The following ZNF641 variants were observed in gnomAD, a reference collection of about 807,000 sequenced individuals.
ZNF641 encodes zinc finger protein 641.
Under a neutral mutation model 46.2 loss-of-function variants are expected in ZNF641, and 26 were observed. The ratio of observed to expected loss-of-function variants is 0.56; its 90% CI spans 0.41 to 0.78. ZNF641 has a LOEUF of 0.78. ZNF641 is among the 30% of genes least tolerant of loss of function. The pLI is 0.00. For synonymous variants in ZNF641, 163 were observed against 187.9 expected (o/e 0.87, Z 1.09); for missense variants, 469 against 517.8 (o/e 0.91, Z 0.91).
rs776259373 is a variant in ZNF641 at position 48,347,151 on chromosome 12, T to C, written c.276+101A>G. On this transcript the variant is annotated intron_variant, in intron 3 of 5. Coordinates refer to ENST00000547026, the MANE Select transcript of ZNF641 (RefSeq NM_001172681.2). ...ATTCAGTTATAAGATGAACATACCA[T>C]TGATGATCATGTGAGCCAACTCATC... 210 of 1,592,920 alleles carry C rather than the reference T, an allele frequency of 1.3e-4. 1 individual carries two copies. In the Middle Eastern group the frequency reaches 3.2e-3, roughly 24 times the overall value.
chr12:48,348,565 A>G (rs935098210), intron 1 of ZNF641, among the ~76,000 whole-genome samples: 6 of 152,252 alleles, frequency 3.9e-5, no homozygotes, highest in African/African-American at 1.4e-4. Flanking sequence ...CACAAATCAC[A>G]GTCTCATCAG....
chr12:48,341,385 T>A lies in ZNF641; in HGVS notation c.*1588A>T. The A allele has an allele frequency of 1.0e-6, 1 of 985,452 alleles. No homozygotes were observed. Among genetic ancestry groups the A allele is most frequent in the Non-Finnish European group, 1.2e-6 (1 of 829,936 alleles). 61.0% of individuals were successfully genotyped at this position (985,452 alleles called of 1,614,324 possible). Reference sequence around the variant, plus strand: ...ATAAGATTGGTATTAACACAATTATTGATAAAGAGAAACAATGACCAACTC... The same window carrying A: ...ATAAGATTGGTATTAACACAATTATAGATAAAGAGAAACAATGACCAACTC... On this transcript the variant is annotated 3_prime_UTR_variant, in exon 6 of 6. Coordinates refer to ENST00000547026, the MANE Select transcript of ZNF641 (RefSeq NM_001172681.2).
rs566630294 is a variant in ZNF641, at chr12:48,349,912, C to A, written c.-26+874G>T. On this transcript the variant is annotated intron_variant, in intron 1 of 5. Transcript: ENST00000547026. The stretch of plus-strand genomic sequence containing the variant: ...TGTCTCAAACCCTTTCTCCATCTCC[C>A]CCAGGTAGCAGAGTCTCTTAATGGG... 76 of 1,062,834 alleles carry A rather than the reference C, an allele frequency of 7.2e-5. No individual in the cohort carries two copies. The East Asian group carries it at 1.8e-3, about 25-fold the overall frequency. The allele number at this position is 1,062,834 out of a possible 1,614,324, so 65.8% of individuals were successfully genotyped here. A position where few individuals can be genotyped will look rare whatever the true frequency, so the allele number is the denominator to read the frequency against.
intron 1 of ZNF641, among the ~76,000 whole-genome samples, chr12:48,348,622 G>GT (rs1225935128): frequency 6.6e-6 from 1 of 152,224 alleles, no homozygotes; most frequent in Non-Finnish European, 1.5e-5. Context: ...ACCAAGGGGC[G>GT]TATTTGTATC....
downstream of ZNF641, among the ~76,000 whole-genome samples, chr12:48,334,821 T>G (rs10083019): frequency 3.4e-3 from 513 of 152,306 alleles, 5 homozygotes; most frequent in African/African-American, 0.011. Flanking sequence ...AGGAGGTTCT[T>G]GGGAGAGAGA....
chr12:48,345,567 G>A (rs749218294), intron 3 of ZNF641, 93 bp from the exon 4 acceptor site: 39 of 1,523,730 alleles, frequency 2.6e-5, no homozygotes, highest in Middle Eastern at 1.7e-4. Flanking sequence ...GAGAGAGGGT[G>A]AGAAATGATC....
chr12:48,350,908 G>C lies in ZNF641; in HGVS notation c.-148C>G. ...GGAGCCAGCGACAGGCGGAGACGGC[G>C]GCCCGGCAGGCGCGGGCGGGGCGGG... is the stretch of plus-strand genomic sequence containing the variant. On this transcript the variant is annotated 5_prime_UTR_variant, in exon 1 of 6. Coordinates refer to ENST00000547026, the MANE Select transcript of ZNF641 (RefSeq NM_001172681.2). 1.0e-6 allele frequency: 1 copy of C among 973,912 alleles called. No homozygotes were observed. The highest frequency in any genetic ancestry group is 1.1e-4 in the East Asian group (1 of 8,728). The allele number at this position is 973,912 out of a possible 1,614,324, so 60.3% of individuals were successfully genotyped here.
chr12:48,345,691 G>C (rs1362527873), intron 3 of ZNF641, among the ~76,000 whole-genome samples: 1 of 152,158 alleles, frequency 6.6e-6, no homozygotes, highest in Admixed American at 6.5e-5. Context: ...AATGTTACTG[G>C]AGGAATTTCC....
At chr12:48,344,192 A>C (rs1251381101) in intron 5 of ZNF641, among the ~76,000 whole-genome samples, 4 of 152,238 alleles carry the variant, frequency 2.6e-5, no homozygotes. Context: ...CACTGGCTGA[A>C]TGACACCTGT....
rs2634678 is a variant in ZNF641 at position 48,341,755 on chromosome 12, C to G, written c.*1218G>C. ...GAAATCAACAAGAAACAGCTCACCT[C>G]CCCAAAGACTCCTCTTTCTCTGCCA... On this transcript the variant is annotated 3_prime_UTR_variant, in exon 6 of 6. Transcript: ENST00000547026. The G allele has an allele frequency of 0.31, 306,325 of 985,358 alleles. 50,289 individuals carry two copies. The highest frequency in any genetic ancestry group is 0.38 in the South Asian group (8,074 of 21,276). 61.0% of individuals were successfully genotyped at this position (985,358 alleles called of 1,614,324 possible). A position where few individuals can be genotyped will look rare whatever the true frequency, so the allele number is the denominator to read the frequency against.
At chr12:48,336,374 G>A (rs1190803646), downstream of ZNF641, among the ~76,000 whole-genome samples, 3 of 152,288 alleles carry the variant, frequency 2.0e-5, no homozygotes, top group Admixed American at 1.3e-4. Context: ...GAGGGGAAGC[G>A]AGAGTGAACA....
chr12:48,346,104 C>T (rs1191960217), intron 3 of ZNF641, among the ~76,000 whole-genome samples: 1 of 152,124 alleles, frequency 6.6e-6, no homozygotes, highest in Non-Finnish European at 1.5e-5. Flanking sequence ...CGGGGTTTCA[C>T]CATGTTGGCC....
chr12:48,343,209 T>C lies in ZNF641; in HGVS notation c.1039A>G (p.Lys347Glu). 1 of 1,614,200 alleles carries C rather than the reference T, an allele frequency of 6.2e-7. No individual in the cohort carries two copies. Among genetic ancestry groups the C allele is most frequent in the Non-Finnish European group, 8.5e-7 (1 of 1,179,998 alleles). Residue 347 changes from lysine (K) to glutamate (E), a missense_variant, in exon 6 of 6, where the codon AAA (lysine) becomes GAA (glutamate). Physicochemically the swap from Lys to Glu is moderately conservative, Grantham distance 56. Around this residue, in one of 3 missense-constraint regions of ZNF641, gnomAD observed 346 missense variants for 354.0 expected, o/e 0.98. Coordinates refer to ENST00000547026, the MANE Select transcript of ZNF641 (RefSeq NM_001172681.2). ...GGCACTGGTGGGGCACGCTGCCGTT[T>C]CCTTGTGCCAGGGCTCTCTCCAACC... Reference protein sequence around the residue: ...QEVGESPGTRKRQRAPPVPKC... With the variant: ...QEVGESPGTRERQRAPPVPKC...
rs545368592 is a variant in ZNF641 at position 48,347,284 on chromosome 12, T to C, written c.244A>G (p.Met82Val). The C allele has an allele frequency of 1.7e-5, 28 of 1,613,858 alleles. No individual in the cohort carries two copies. In the African/African-American group the frequency reaches 2.3e-4, roughly 13 times the overall value. Residue 82 changes from methionine (M) to valine (V), a missense_variant, in exon 3 of 6, where the codon ATG becomes GTG. By Grantham distance (21) the Met-to-Val change is conservative. Around this residue, in one of 3 missense-constraint regions of ZNF641, gnomAD observed 98 missense variants for 105.7 expected, o/e 0.93. Coordinates refer to ENST00000547026, the MANE Select transcript of ZNF641 (RefSeq NM_001172681.2). ...CCAGCCGCAAGAAGTGCAGCTGCCA[T>C]CTCCCAGTCTCCAGTGTTCCCCTCC... ...PQEGNTGDWE[M>V]AAALLAAGSQ...
chr12:48,345,592 C>T, intron 3 of ZNF641, 118 bp from the exon 4 acceptor site: 3 of 1,288,560 alleles, frequency 2.3e-6, no homozygotes, highest in Non-Finnish European at 3.3e-6. Flanking sequence ...AAAAGAGCTG[C>T]CCAGAAGTCC....
chr12:48,341,942 A>G lies in ZNF641; in HGVS notation c.*1031T>C. The G allele has an allele frequency of 1.0e-6, 1 of 985,464 alleles. No homozygotes were observed. The highest frequency in any genetic ancestry group is 1.2e-6 in the Non-Finnish European group (1 of 829,974). The allele number at this position is 985,464 out of a possible 1,614,324, so 61.0% of individuals were successfully genotyped here. A position where few individuals can be genotyped will look rare whatever the true frequency, so the allele number is the denominator to read the frequency against. On this transcript the variant is annotated 3_prime_UTR_variant, in exon 6 of 6. Coordinates refer to ENST00000547026, the MANE Select transcript of ZNF641 (RefSeq NM_001172681.2). Reference sequence around the variant, plus strand: ...CCAGACTGCTTCCTGTCTTGAAACAAAGAAAAAACCCCATATAATCCCCAC... The same window carrying G: ...CCAGACTGCTTCCTGTCTTGAAACAGAGAAAAAACCCCATATAATCCCCAC...
Position 48,339,785 on chromosome 12 carries a change from G to T in ZNF641, c.*3188C>A. On this transcript the variant is annotated 3_prime_UTR_variant, in exon 6 of 6. Transcript: ENST00000547026. ...ATTATCACCTCTTTGGTTCTCTGAA[G>T]CCATAACATTACTTTGACAAGGGAA... The T allele has an allele frequency of 3.5e-6, 1 of 288,114 alleles. No individual in the cohort carries two copies. The highest frequency in any genetic ancestry group is 5.2e-6 in the Non-Finnish European group (1 of 192,114). The allele number at this position is 288,114 out of a possible 1,614,324, so 17.8% of individuals were successfully genotyped here.
In ZNF641 at chr12:48,343,490, G is replaced by C. The variant is rs751604783; in HGVS notation, c.758C>G (p.Pro253Arg). The C allele has an allele frequency of 6.2e-7, 1 of 1,613,818 alleles. No homozygotes were observed. Among genetic ancestry groups the C allele is most frequent in the Non-Finnish European group, 8.5e-7 (1 of 1,179,768 alleles). Residue 253 changes from proline to arginine, a missense_variant, in exon 6 of 6, where the codon CCC (proline) becomes CGC (arginine). By Grantham distance (103) the Pro-to-Arg change is moderately radical. Coordinates refer to ENST00000547026, the MANE Select transcript of ZNF641 (RefSeq NM_001172681.2). ...CCATACAAACTGTTTCCCACACTGG[G>C]GGCATGTGTGGGGTCTTAACAGGGA... ...MDSLLRPHTC[P>R]QCGKQFVWGS...
chr12:48,343,560 G>C lies in ZNF641; in HGVS notation c.688C>G (p.Gln230Glu). ...AGCAGGTTTGAGAAACTATCTTCCTGAAGAAAAGGGGGCCCCAGGAGCATT... is the reference window on the plus strand; with the variant it reads ...AGCAGGTTTGAGAAACTATCTTCCTCAAGAAAAGGGGGCCCCAGGAGCATT... ...RGMLLGPPFLQEDSFSNLLCS... is the reference protein window; with the variant it reads ...RGMLLGPPFLEEDSFSNLLCS... The change falls in exon 6 of 6, where the codon CAG becomes GAG. Residue 230 changes from glutamine (Q) to glutamate (E), a missense_variant. Physicochemically the swap from Gln to Glu is conservative, Grantham distance 29. Around this residue, in one of 3 missense-constraint regions of ZNF641, gnomAD observed 346 missense variants for 354.0 expected, o/e 0.98. Coordinates refer to ENST00000547026, the MANE Select transcript of ZNF641 (RefSeq NM_001172681.2). 1 of 1,605,284 alleles carries C rather than the reference G, an allele frequency of 6.2e-7. No homozygotes were observed. Among genetic ancestry groups the C allele is most frequent in the Non-Finnish European group, 8.5e-7 (1 of 1,174,774 alleles).
Sources: allele counts gnomAD v4.1 joint callset (sites outside exome capture counted in the v4.1 genomes callset), GRCh38; gene constraint gnomAD v4.1.1; regional missense constraint gnomAD v4.1.1; transcripts MANE v1.5; gene names NCBI Gene and HGNC (gene_info 2026-07-23, HGNC 2026-07-21).